Variants in PLPP4 observed in about 807,000 individuals in gnomAD.
PLPP4 encodes phospholipid phosphatase 4, also known as diacylglycerol pyrophosphate like 2.
A neutral mutation model predicts 32.2 loss-of-function variants in PLPP4; 20 were observed. That is an observed-to-expected ratio of 0.62 (90% CI 0.44 to 0.90). The LOEUF is 0.90. Ranked by LOEUF, PLPP4 falls within the 40% of genes least tolerant of loss-of-function variation. The pLI, the probability that PLPP4 is intolerant of heterozygous loss-of-function variation, is 0.00. For missense variants in PLPP4, 257 were observed against 353.1 expected (o/e 0.73, Z 2.18); for synonymous variants, 127 against 133.0 (o/e 0.95, Z 0.31).
intron 6 of PLPP4, chr10:120,581,356 C>G (rs1849501499): frequency 1.0e-6 from 1 of 953,734 alleles, no homozygotes; most frequent in African/African-American, 1.8e-5. Flanking sequence ...CAGTTGTTGC[C>G]TGAATCATTG....
chr10:120,539,274 G>T (rs1847224399), intron 5 of PLPP4, among the ~76,000 whole-genome samples: 1 of 152,152 alleles, frequency 6.6e-6, no homozygotes, highest in South Asian at 2.1e-4. Flanking sequence ...AAGGGGTCAG[G>T]ATATGGTCAC....
chr10:120,540,764 A>G (rs1207367034), intron 5 of PLPP4, among the ~76,000 whole-genome samples: 1 of 152,230 alleles, frequency 6.6e-6, no homozygotes, highest in Non-Finnish European at 1.5e-5. Context: ...TATATAATGC[A>G]TAATAATGGT....
chr10:120,513,836 G>A (rs1301947785), intron 2 of PLPP4, 75 bp from the exon 3 acceptor site: 25 of 1,118,116 alleles, frequency 2.2e-5, no homozygotes, highest in African/African-American at 3.1e-5. Flanking sequence ...TGAAACTAAC[G>A]GGAACTAATT....
chr10:120,555,273 C>T (rs1848104326), intron 5 of PLPP4, among the ~76,000 whole-genome samples: 1 of 152,120 alleles, frequency 6.6e-6, no homozygotes. Flanking sequence ...CGTGTTTGTC[C>T]TATGGTTGGT....
intron 5 of PLPP4, among the ~76,000 whole-genome samples, chr10:120,569,590 G>T (rs1331483794): frequency 6.6e-6 from 1 of 152,132 alleles, no homozygotes; most frequent in Non-Finnish European, 1.5e-5. Context: ...AAACAAGACT[G>T]TGCAACCCTT....
chr10:120,541,485 C>G (rs1847337078), intron 5 of PLPP4, among the ~76,000 whole-genome samples: 1 of 152,194 alleles, frequency 6.6e-6, no homozygotes, highest in Admixed American at 6.5e-5. Context: ...GCTACAAATC[C>G]TTCAGTCCAG....
intron 5 of PLPP4, among the ~76,000 whole-genome samples, chr10:120,523,350 C>T (rs1846248028): frequency 6.6e-6 from 1 of 152,082 alleles, no homozygotes; most frequent in Non-Finnish European, 1.5e-5. Context: ...TCTAGCCATT[C>T]CTGTGACTTA....
intron 1 of PLPP4, among the ~76,000 whole-genome samples, chr10:120,483,820 G>A (rs956168412): frequency 2.0e-5 from 3 of 152,180 alleles, no homozygotes; most frequent in African/African-American, 4.8e-5. Flanking sequence ...ATCTCTGCAC[G>A]TGGAGCTCCC....
chr10:120,477,249 A>G (rs1432679389), intron 1 of PLPP4, among the ~76,000 whole-genome samples: 1 of 151,636 alleles, frequency 6.6e-6, no homozygotes, highest in Non-Finnish European at 1.5e-5. Flanking sequence ...GTTCAAAAAG[A>G]AAAGAAAAAA....
At chr10:120,565,651 G>A (rs1848661229) in intron 5 of PLPP4, among the ~76,000 whole-genome samples, 2 of 152,074 alleles carry the variant, frequency 1.3e-5, no homozygotes, top group Non-Finnish European at 2.9e-5. Flanking sequence ...TAGGTGTGGA[G>A]TTCCTTTTAT....
chr10:120,477,247 AGAAAAG>A (rs1564782986), intron 1 of PLPP4, among the ~76,000 whole-genome samples: 2 of 151,336 alleles, frequency 1.3e-5, no homozygotes. Flanking sequence ...CGGTTCAAAA[AGAAAAG>A]AAAAAAAACC....
intron 1 of PLPP4, among the ~76,000 whole-genome samples, chr10:120,492,121 T>G (rs1844749896): frequency 6.6e-6 from 1 of 152,206 alleles, no homozygotes. Flanking sequence ...GCCCATTTTA[T>G]AGATGAGCAG....
At chr10:120,550,384 T>C (rs1479661756) in intron 5 of PLPP4, among the ~76,000 whole-genome samples, 2 of 151,976 alleles carry the variant, frequency 1.3e-5, no homozygotes, top group Non-Finnish European at 2.9e-5. Flanking sequence ...AAGTATAGAT[T>C]CAACAAAATC....
chr10:120,498,334 G>A (rs554102164), intron 1 of PLPP4, among the ~76,000 whole-genome samples: 25 of 152,262 alleles, frequency 1.6e-4, no homozygotes, highest in Non-Finnish European at 3.7e-4. Context: ...AGGTGAGACT[G>A]GCACTGCTGC....
intron 1 of PLPP4, among the ~76,000 whole-genome samples, chr10:120,498,653 TC>T (rs1845083246): frequency 1.0e-5 from 1 of 98,834 alleles, no homozygotes. Flanking sequence ...GCTCTTCTAT[TC>T]TTTTTTTTTT....
At position 120,590,983 on chromosome 10, in the gene PLPP4, G is replaced by A. The variant is rs535317833; in HGVS notation, c.*1481G>A. 2.0e-5 allele frequency among the ~76,000 whole-genome samples: 3 copies of A among 152,164 alleles called. No individual in the cohort carries two copies. The South Asian group carries it at 6.2e-4, about 32-fold the overall frequency. ...GGGGTTTCACCACGTTGGCCAGGCTGGTCTCGGACTCCTAGCCTCAAGTGA... is the reference window on the plus strand; with the variant it reads ...GGGGTTTCACCACGTTGGCCAGGCTAGTCTCGGACTCCTAGCCTCAAGTGA... On this transcript the variant is annotated 3_prime_UTR_variant, in exon 7 of 7. Transcript: ENST00000398250.
At chr10:120,531,155 C>G (rs540651938) in intron 5 of PLPP4, among the ~76,000 whole-genome samples, 2 of 143,736 alleles carry the variant, frequency 1.4e-5, no homozygotes, top group African/African-American at 5.2e-5. Flanking sequence ...GTGGCACCAT[C>G]TCGGCTCGCT....
chr10:120,585,954 A>G lies in PLPP4; in HGVS notation c.617-3349A>G, dbSNP rs1186147684. Among the ~76,000 whole-genome samples the G allele has an allele frequency of 1.5e-4, 23 of 152,160 alleles. 1 individual carries two copies. Among genetic ancestry groups the G allele is most frequent in the Admixed American group, 1.5e-3 (23 of 15,276 alleles). On this transcript the variant is annotated intron_variant, in intron 6 of 6. Coordinates refer to ENST00000398250, the MANE Select transcript of PLPP4 (RefSeq NM_001030059.3). ...TTCCTTGCCTTTCTCCCAGACAGCT[A>G]CTGCTCAGTCACACTGTATTCATCA...
At chr10:120,564,977 C>T (rs1409952821) in intron 5 of PLPP4, among the ~76,000 whole-genome samples, 1 of 151,978 alleles carries the variant, frequency 6.6e-6, no homozygotes, top group Non-Finnish European at 1.5e-5. Context: ...TGTCTGAATT[C>T]ATTATTTTCC....
Sources: allele counts gnomAD v4.1 joint callset (sites outside exome capture counted in the v4.1 genomes callset), GRCh38; gene constraint gnomAD v4.1.1; transcripts MANE v1.5; gene names NCBI Gene and HGNC (gene_info 2026-07-23, HGNC 2026-07-21).